The following GABRG1 variants were observed in gnomAD, a reference collection of about 807,000 sequenced individuals.
The protein encoded by GABRG1 is gamma-aminobutyric acid receptor subunit gamma-1.
A neutral mutation model predicts 49.8 loss-of-function variants in GABRG1; 49 were observed. That is an observed-to-expected ratio of 0.98 (90% CI 0.78 to 1.25). The LOEUF is 1.25. Among genes scored for constraint, GABRG1 ranks in the 50% most tolerant of loss-of-function variants. The pLI is 0.00. For missense variants in GABRG1, 552 were observed against 552.3 expected (o/e 1.00, Z 0.01); for synonymous variants, 232 against 185.1 (o/e 1.25, Z -2.06).
Position 46,038,961 on chromosome 4 carries a change from C to T in GABRG1, c.*2027G>A, listed in dbSNP as rs1359422082. On this transcript the variant is annotated 3_prime_UTR_variant, in exon 9 of 9. Transcript: ENST00000295452. Reference sequence around the variant, plus strand: ...GTTCAGAAGGAAAAGCTATTTATATCAAGCACTTTTAAGTATTTTAAAATA... The same window carrying T: ...GTTCAGAAGGAAAAGCTATTTATATTAAGCACTTTTAAGTATTTTAAAATA... 1 of 151,554 alleles carries T rather than the reference C, an allele frequency of 6.6e-6. No homozygotes were observed. Among genetic ancestry groups the T allele is most frequent in the Non-Finnish European group, 1.5e-5 (1 of 67,648 alleles). The allele number at this position is 151,554 out of a possible 1,614,324, so 9.4% of individuals were successfully genotyped here.
intron 2 of GABRG1, among the ~76,000 whole-genome samples, chr4:46,092,876 C>T (rs1219087389): frequency 6.7e-6 from 1 of 150,058 alleles, no homozygotes; most frequent in African/African-American, 2.5e-5. Flanking sequence ...AGCAGACCAG[C>T]CTGACCAACA....
At chr4:46,093,438 T>C (rs1712494549) in intron 2 of GABRG1, among the ~76,000 whole-genome samples, 2 of 152,044 alleles carry the variant, frequency 1.3e-5, no homozygotes, top group African/African-American at 4.8e-5. Context: ...AATAGAATGA[T>C]GGTTACCAGA....
chr4:46,041,401 GT>G (rs1717778140), intron 8 of GABRG1, 147 bp from the exon 9 acceptor site: 1 of 682,558 alleles, frequency 1.5e-6, no homozygotes, highest in Non-Finnish European at 2.3e-6. Flanking sequence ...ATTATAACAT[GT>G]TTTATATTAT....
intron 2 of GABRG1, among the ~76,000 whole-genome samples, chr4:46,088,938 T>G (rs1258947137): frequency 6.6e-6 from 1 of 151,474 alleles, no homozygotes; most frequent in Non-Finnish European, 1.5e-5. Flanking sequence ...AACCTGCTCT[T>G]GCTCCCATAC....
At chr4:46,045,051 C>T (rs915673186) in intron 8 of GABRG1, among the ~76,000 whole-genome samples, 1 of 151,998 alleles carries the variant, frequency 6.6e-6, no homozygotes, top group Non-Finnish European at 1.5e-5. Flanking sequence ...ACATACGAAA[C>T]TTACCGGGCC....
At chr4:46,098,637 A>T (rs931697171) in intron 1 of GABRG1, among the ~76,000 whole-genome samples, 2 of 151,720 alleles carry the variant, frequency 1.3e-5, no homozygotes, top group Non-Finnish European at 2.9e-5. Flanking sequence ...CCAGTCCGAG[A>T]TGTTTATTTT....
chr4:46,056,124 G>GAAAAAAAA (rs1169065450), intron 7 of GABRG1, among the ~76,000 whole-genome samples: 4 of 7,640 alleles, frequency 5.2e-4, no homozygotes, highest in Admixed American at 2.0e-3. Context: ...AAAAAGAAAG[G>GAAAAAAAA]AAAAAAAAAA....
chr4:46,122,557 C>T (rs1201927654), intron 1 of GABRG1, among the ~76,000 whole-genome samples: 1 of 151,950 alleles, frequency 6.6e-6, no homozygotes, highest in Non-Finnish European at 1.5e-5. Context: ...GAGAAAACTT[C>T]AGTCCTACAA....
Position 46,040,892 on chromosome 4 carries a change from C to G in GABRG1, c.*96G>C, listed in dbSNP as rs1717744552. 3 of 1,238,998 alleles carry G rather than the reference C, an allele frequency of 2.4e-6. No individual in the cohort carries two copies. Among genetic ancestry groups the G allele is most frequent in the Admixed American group, 4.4e-5 (2 of 45,796 alleles). 76.8% of individuals were successfully genotyped at this position (1,238,998 alleles called of 1,614,324 possible). The stretch of plus-strand genomic sequence containing the variant: ...CTATTCACATTTTAACCATTGGTCT[C>G]TCTGCATTTTAAATTTAAACTTCAA... On this transcript the variant is annotated 3_prime_UTR_variant, in exon 9 of 9. Transcript: ENST00000295452.
At chr4:46,058,961 T>G (rs1718562956) in intron 5 of GABRG1, among the ~76,000 whole-genome samples, 1 of 152,138 alleles carries the variant, frequency 6.6e-6, no homozygotes, top group Non-Finnish European at 1.5e-5. Context: ...AATATAGATT[T>G]TTCATATGCA....
chr4:46,112,603 T>A (rs982857778), intron 1 of GABRG1, among the ~76,000 whole-genome samples: 2 of 150,996 alleles, frequency 1.3e-5, no homozygotes, highest in African/African-American at 4.8e-5. Flanking sequence ...CCATTAGTGG[T>A]GGATTGGATA....
intron 3 of GABRG1, among the ~76,000 whole-genome samples, chr4:46,067,606 T>G (rs762547839): frequency 6.6e-6 from 1 of 152,088 alleles, no homozygotes; most frequent in Admixed American, 6.6e-5. Context: ...GGGAGATAAT[T>G]AAAATTTTAT....
At chr4:46,053,184 T>C (rs1718297339) in intron 7 of GABRG1, among the ~76,000 whole-genome samples, 1 of 151,876 alleles carries the variant, frequency 6.6e-6, no homozygotes, top group Non-Finnish European at 1.5e-5. Flanking sequence ...TCAGTTATAT[T>C]ATTTTTATTT....
chr4:46,120,734 T>C (rs1721068856), intron 1 of GABRG1, among the ~76,000 whole-genome samples: 1 of 151,816 alleles, frequency 6.6e-6, no homozygotes, highest in Non-Finnish European at 1.5e-5. Context: ...CAAGTTTATT[T>C]GAATATTTTC....
rs762090133 is a variant in GABRG1, at chr4:46,040,981, G to C, written c.*7C>G. The C allele has an allele frequency of 1.5e-5, 24 of 1,602,702 alleles. No individual in the cohort carries two copies. In the South Asian group the frequency reaches 2.7e-4, roughly 18 times the overall value. ...ACTTCTTTTGATTTTTGCTTATGAA[G>C]TAGATTTTATAAGTAAAGATAGCCA... On this transcript the variant is annotated 3_prime_UTR_variant, in exon 9 of 9. Transcript: ENST00000295452.
intron 7 of GABRG1, among the ~76,000 whole-genome samples, chr4:46,057,364 A>C (rs530036308): frequency 5.9e-5 from 9 of 152,236 alleles, no homozygotes; most frequent in African/African-American, 1.9e-4. Flanking sequence ...TTTGTGGTTA[A>C]AAATAGAAAC....
chr4:46,082,012 A>C (rs556114203), intron 3 of GABRG1, among the ~76,000 whole-genome samples: 70 of 151,956 alleles, frequency 4.6e-4, no homozygotes, highest in Non-Finnish European at 8.5e-4. Flanking sequence ...TCGTTGTGGC[A>C]ACCCTAGTGA....
chr4:46,097,790 A>G (rs1720229149), intron 1 of GABRG1, among the ~76,000 whole-genome samples: 1 of 151,692 alleles, frequency 6.6e-6, no homozygotes, highest in Non-Finnish European at 1.5e-5. Flanking sequence ...CAAAAAATGG[A>G]TGTGTAGAAA....
intron 7 of GABRG1, among the ~76,000 whole-genome samples, chr4:46,057,252 T>G (rs976842110): frequency 6.6e-6 from 1 of 152,154 alleles, no homozygotes; most frequent in Non-Finnish European, 1.5e-5. Context: ...TAGACCCATG[T>G]GCCTCATGCA....
Sources: gnomAD v4.1 joint callset for allele counts (sites outside exome capture counted in the v4.1 genomes callset) on GRCh38, gnomAD v4.1.1 for gene constraint, MANE v1.5 for transcripts, NCBI Gene and HGNC (gene_info 2026-07-23, HGNC 2026-07-21) for gene names.